Variants in MYOZ1 observed in about 807,000 individuals in gnomAD.
MYOZ1 encodes the protein myozenin 1.
MYOZ1 carries 20 observed loss-of-function variants against 28.7 expected under a neutral mutation model. The ratio of observed to expected loss-of-function variants is 0.70; its 90% CI spans 0.49 to 1.01. MYOZ1 has a LOEUF of 1.01. Ranked by LOEUF, MYOZ1 falls within the 50% of genes least tolerant of loss-of-function variation. The probability of loss-of-function intolerance (pLI) is 0.00; values close to 1 mark genes in which losing one functional copy is unlikely to be tolerated. For missense variants in MYOZ1, 371 were observed against 372.4 expected, an observed-to-expected ratio of 1.00 and a Z score of 0.03; for synonymous variants, 144 against 145.8, an observed-to-expected ratio of 0.99 and a Z score of 0.09.
intron 3 of MYOZ1, among the ~76,000 whole-genome samples, chr10:73,636,044 T>G (rs1423946232): frequency 6.6e-6 from 1 of 152,152 alleles, no homozygotes; most frequent in Non-Finnish European, 1.5e-5. Flanking sequence ...TAAAGTTAGA[T>G]ATGAGCAGCT....
intron 2 of MYOZ1, among the ~76,000 whole-genome samples, chr10:73,638,181 G>T (rs997344062): frequency 6.6e-6 from 1 of 151,800 alleles, no homozygotes; most frequent in African/African-American, 2.4e-5. Flanking sequence ...TACGGGCATG[G>T]GGTACAGAGC....
rs562109491 is a variant in MYOZ1, at chr10:73,637,163, C to A, written c.252+581G>T. On this transcript the variant is annotated intron_variant, in intron 3 of 5. Coordinates refer to ENST00000359322, the MANE Select transcript of MYOZ1 (RefSeq NM_021245.4). ...GAGTACCTGGGATCACAGGAACCCA[C>A]GACCACGCCCAGCTAATTTTTTGTA... Among the ~76,000 whole-genome samples the A allele has an allele frequency of 2.6e-5, 4 of 151,886 alleles. No individual in the cohort carries two copies. In the South Asian group the frequency reaches 8.3e-4, roughly 32 times the overall value.
intron 3 of MYOZ1, among the ~76,000 whole-genome samples, chr10:73,635,952 C>G (rs944562674): frequency 6.6e-6 from 1 of 152,190 alleles, no homozygotes; most frequent in African/African-American, 2.4e-5. Flanking sequence ...TCAGGAGGCT[C>G]TCCTGGCCAT....
intron 5 of MYOZ1, among the ~76,000 whole-genome samples, chr10:73,633,080 T>C (rs548347580): frequency 3.9e-5 from 6 of 152,200 alleles, no homozygotes; most frequent in Admixed American, 3.3e-4. Flanking sequence ...GCAGATCACC[T>C]GAGGTCAGGA....
At chr10:73,638,668 T>TTATTTATTTATG (rs1554958195) in intron 2 of MYOZ1, among the ~76,000 whole-genome samples, 5,525 of 147,476 alleles carry the variant, frequency 0.037, 225 homozygotes, top group African/African-American at 0.093. Flanking sequence ...ATTTATTTAT[T>TTATTTATTTATG]TATTTATTTA....
chr10:73,632,089 C>A lies in MYOZ1; in HGVS notation c.741G>T (p.Leu247=). 1 of 1,614,118 alleles carries A rather than the reference C, an allele frequency of 6.2e-7. No homozygotes were observed. Among genetic ancestry groups the A allele is most frequent in the Non-Finnish European group, 8.5e-7 (1 of 1,180,018 alleles). The part of the protein sequence containing the change: ...RMTFQMPKFD[L]GPLLSEPLVL... ...CCAGGGGTTCACTCAGCAAGGGCCC[C>A]AGGTCAAACTTGGGCATCTGGAAGG... Residue 247 remains leucine (L), a synonymous_variant, in exon 6 of 6, where the codon CTG becomes CTT. Coordinates refer to ENST00000359322, the MANE Select transcript of MYOZ1 (RefSeq NM_021245.4).
intron 3 of MYOZ1, 81 bp from the exon 4 acceptor site, chr10:73,634,814 A>T (rs1401501768): frequency 7.2e-6 from 11 of 1,524,190 alleles, no homozygotes; most frequent in African/African-American, 2.7e-5. Flanking sequence ...TAGCAAAGGC[A>T]GAAATAGTGG....
rs142882702 is a variant in MYOZ1, at chr10:73,633,229, G to A, written c.668+671C>T. ...GGAAAATCACTTGAACCCAGGAGGC[G>A]GAGGTTGCAGTGAGCTGAGATCATG... On this transcript the variant is annotated intron_variant, in intron 5 of 5. Transcript: ENST00000359322. Among the ~76,000 whole-genome samples, 831 of 152,184 alleles carry A rather than the reference G, an allele frequency of 5.5e-3. 4 individuals are homozygous for A. The highest frequency in any genetic ancestry group is 0.019 in the African/African-American group (780 of 41,524).
chr10:73,638,045 A>G, intron 2 of MYOZ1, 123 bp from the exon 3 acceptor site: 1 of 857,000 alleles, frequency 1.2e-6, no homozygotes, highest in Non-Finnish European at 1.8e-6. Flanking sequence ...CATTTAGGGG[A>G]ACAAATGCTG....
rs1182287568 is a variant in MYOZ1 at position 73,634,750 on chromosome 10, G to A, written c.253-17C>T. On this transcript the variant is annotated splice_polypyrimidine_tract_variant and intron_variant, in intron 3 of 5. Coordinates refer to ENST00000359322, the MANE Select transcript of MYOZ1 (RefSeq NM_021245.4). Reference sequence around the variant, plus strand: ...GAAGTGATCCTGAAAAGAAGACAAAGTGAGGGGAAGGTTAGCAATGGGTAT... The same window carrying A: ...GAAGTGATCCTGAAAAGAAGACAAAATGAGGGGAAGGTTAGCAATGGGTAT... The A allele has an allele frequency of 6.2e-7, 1 of 1,607,206 alleles. No individual in the cohort carries two copies. The highest frequency in any genetic ancestry group is 8.5e-7 in the Non-Finnish European group (1 of 1,174,390).
In MYOZ1 at chr10:73,634,498, C is replaced by CCAA. The variant is rs770331268; in HGVS notation, c.485_487dup (p.Val162dup). ...AGTGTACTTGCCTGATCCTGTCTCA[C>CCAA]CAACCCCTGCTGTGCCAGCAGCTCC... On this transcript the variant is annotated inframe_insertion, in exon 4 of 6. Coordinates refer to ENST00000359322, the MANE Select transcript of MYOZ1 (RefSeq NM_021245.4). 15 of 1,614,082 alleles carry CCAA rather than the reference C, an allele frequency of 9.3e-6. No homozygotes were observed. The East Asian group carries it at 1.1e-4, about 12-fold the overall frequency.
chr10:73,638,070 G>A (rs1338426267), intron 2 of MYOZ1, 148 bp from the exon 3 acceptor site: 2 of 727,560 alleles, frequency 2.7e-6, no homozygotes, highest in Non-Finnish European at 4.5e-6. Context: ...GTTTGTGAGG[G>A]ATTTTGATTT....
chr10:73,634,728 G>A lies in MYOZ1; in HGVS notation c.258C>T (p.His86=), dbSNP rs1224215809. ...CCACTGTTGGAAGGAACTTCTGGAAGTGATCCTGAAAAGAAGACAAAGTGA... is the reference window on the plus strand; with the variant it reads ...CCACTGTTGGAAGGAACTTCTGGAAATGATCCTGAAAAGAAGACAAAGTGA... The part of the protein sequence containing the change: ...PDVFSDSSMD[H]FQKFLPTVGG... The change falls in exon 4 of 6, where the codon CAC becomes CAT. Residue 86 remains histidine, a synonymous_variant. Coordinates refer to ENST00000359322, the MANE Select transcript of MYOZ1 (RefSeq NM_021245.4). The A allele has an allele frequency of 3.1e-6, 5 of 1,611,776 alleles. 1 individual carries two copies. The South Asian group carries it at 5.5e-5, about 18-fold the overall frequency.
At chr10:73,635,913 A>G (rs1434994123) in intron 3 of MYOZ1, among the ~76,000 whole-genome samples, 1 of 152,138 alleles carries the variant, frequency 6.6e-6, no homozygotes, top group Non-Finnish European at 1.5e-5. Context: ...ATGCAAACCC[A>G]AAGCCTAAAA....
rs909693019 is a variant in MYOZ1, at chr10:73,638,817, G to C, written c.74-895C>G. Among the ~76,000 whole-genome samples, 3 of 150,912 alleles carry C rather than the reference G, an allele frequency of 2.0e-5. No homozygotes were observed. In the South Asian group the frequency reaches 6.3e-4, roughly 32 times the overall value. ...AAGTAGCCGGGATTACAGGCACCCG[G>C]CACCATGCCCAGTTAATTTTTCTAT... On this transcript the variant is annotated intron_variant, in intron 2 of 5. Transcript: ENST00000359322.
At chr10:73,634,195 A>G (rs2081653129) in intron 4 of MYOZ1, 130 bp from the exon 5 acceptor site, 11 of 1,150,862 alleles carry the variant, frequency 9.6e-6, no homozygotes, top group South Asian at 5.7e-5. Context: ...TGGTAATTGT[A>G]TAAGGTTTGT....
chr10:73,638,503 T>G (rs1392521430), intron 2 of MYOZ1, among the ~76,000 whole-genome samples: 1 of 151,336 alleles, frequency 6.6e-6, no homozygotes, highest in African/African-American at 2.4e-5. Flanking sequence ...TGGCTGATTT[T>G]TATATTTTTT....
In MYOZ1 at chr10:73,634,935, T is replaced by G. The variant is rs191802803; in HGVS notation, c.253-202A>C. Among the ~76,000 whole-genome samples the G allele has an allele frequency of 2.5e-3, 384 of 152,036 alleles. 1 individual carries two copies. The highest frequency in any genetic ancestry group is 0.021 in the Middle Eastern group (6 of 292). ...TTTTTGTTTGTTTGATTTTTTGTGGTTTTTTTTAGACAGAGTTTCGCCCTT... is the reference window on the plus strand; with the variant it reads ...TTTTTGTTTGTTTGATTTTTTGTGGGTTTTTTTAGACAGAGTTTCGCCCTT... On this transcript the variant is annotated intron_variant, in intron 3 of 5. Coordinates refer to ENST00000359322, the MANE Select transcript of MYOZ1 (RefSeq NM_021245.4).
Position 73,634,028 on chromosome 10 carries a change from C to T in MYOZ1, c.540G>A (p.Val180=). The T allele has an allele frequency of 6.2e-7, 1 of 1,613,974 alleles. No individual in the cohort carries two copies. The highest frequency in any genetic ancestry group is 8.5e-7 in the Non-Finnish European group (1 of 1,179,972). ...QAGGEGKHIT[V]FKTYISPWER... is the part of the protein sequence containing the mutation. ...CCCATGGGGAAATATAGGTCTTGAA[C>T]ACAGTGATATGTTTTCCTTCTCCGC... Residue 180 remains valine, a synonymous_variant, in exon 5 of 6, where the codon GTG becomes GTA. Coordinates refer to ENST00000359322, the MANE Select transcript of MYOZ1 (RefSeq NM_021245.4).
Sources: gnomAD v4.1 joint callset for allele counts (sites outside exome capture counted in the v4.1 genomes callset) on GRCh38, gnomAD v4.1.1 for gene constraint, MANE v1.5 for transcripts, NCBI Gene and HGNC (gene_info 2026-07-23, HGNC 2026-07-21) for gene names.